Variants in ADD3 observed in about 807,000 individuals in gnomAD.
ADD3 encodes the protein adducin 3.
A neutral mutation model predicts 80.2 loss-of-function variants in ADD3; 25 were observed. The observed-to-expected ratio is 0.31, with a 90% CI of 0.23 to 0.44. ADD3 has a LOEUF of 0.44. ADD3 is among the 20% of genes least tolerant of loss of function. The pLI is 1.00. For missense variants in ADD3, 829 were observed against 847.5 expected (o/e 0.98, Z 0.27); for synonymous variants, 284 against 289.6 (o/e 0.98, Z 0.20).
chr10:110,065,046 A>G (rs1053848790), intron 1 of ADD3, among the ~76,000 whole-genome samples: 2 of 152,080 alleles, frequency 1.3e-5, no homozygotes, highest in African/African-American at 4.8e-5. Flanking sequence ...CCTGTTTCAG[A>G]AAAGAAAAAA....
Position 110,100,778 on chromosome 10 carries a change from C to G in ADD3, c.125C>G (p.Ser42Cys), listed in dbSNP as rs1848726530. 6.2e-7 allele frequency: 1 copy of G among 1,613,734 alleles called. No individual in the cohort carries two copies. The highest frequency in any genetic ancestry group is 2.2e-5 in the East Asian group (1 of 44,812). The change falls in exon 2 of 15, where the codon TCT becomes TGT. Residue 42 changes from serine (S) to cysteine (C), a missense_variant. By Grantham distance (112) the Ser-to-Cys change is moderately radical (BLOSUM62 -1). Coordinates refer to ENST00000356080, the MANE Select transcript of ADD3 (RefSeq NM_016824.5). ...DPEYIRERNM[S>C]PDLRQDFNMM... The stretch of plus-strand genomic sequence containing the variant: ...GAATACATTAGGGAGAGGAACATGT[C>G]TCCTGATCTACGACAAGACTTCAAC...
chr10:110,131,996 G>A (rs1321360616), intron 13 of ADD3, among the ~76,000 whole-genome samples: 2 of 152,194 alleles, frequency 1.3e-5, no homozygotes, highest in African/African-American at 2.4e-5. Flanking sequence ...TGTCTGCGCA[G>A]TATGTTTTGG....
rs765143092 is a variant in ADD3 at position 110,122,204 on chromosome 10, G to A, written c.1055G>A (p.Gly352Asp). 6.8e-6 allele frequency: 11 copies of A among 1,614,170 alleles called. No homozygotes were observed. Among genetic ancestry groups the A allele is most frequent in the South Asian group, 1.1e-5 (1 of 91,088 alleles). ...TTCACTTACACTGTAGCAGCGTCTGGTGGAGGAGGTGTGAATATGGGTTCC... is the reference window on the plus strand; with the variant it reads ...TTCACTTACACTGTAGCAGCGTCTGATGGAGGAGGTGTGAATATGGGTTCC... ...KAFTYTVAAS[G>D]GGGVNMGSHQ... The change falls in exon 9 of 15, where the codon GGT (glycine) becomes GAT (aspartate). Residue 352 changes from glycine (G) to aspartate (D), a missense_variant. By Grantham distance (94) the Gly-to-Asp change is moderately conservative. Transcript: ENST00000356080.
At chr10:110,115,735 C>G (rs1850650470) in intron 3 of ADD3, among the ~76,000 whole-genome samples, 1 of 152,110 alleles carries the variant, frequency 6.6e-6, no homozygotes, top group Non-Finnish European at 1.5e-5. Context: ...GAAGACTGAG[C>G]AAAAGTTGAA....
At chr10:110,106,190 A>G (rs941180223) in intron 2 of ADD3, 2 of 150,782 alleles carry the variant, frequency 1.3e-5, no homozygotes, top group African/African-American at 4.9e-5. Flanking sequence ...AGTAATTTTG[A>G]GGTAAAACAT....
At chr10:110,007,166 T>C (rs963355125), upstream of ADD3, among the ~76,000 whole-genome samples, 1 of 152,240 alleles carries the variant, frequency 6.6e-6, no homozygotes, top group Non-Finnish European at 1.5e-5. Flanking sequence ...TGAAGGTTCT[T>C]GGCGATGCCT....
At chr10:110,063,249 T>C (rs1266290383) in intron 1 of ADD3, among the ~76,000 whole-genome samples, 1 of 152,234 alleles carries the variant, frequency 6.6e-6, no homozygotes, top group African/African-American at 2.4e-5. Flanking sequence ...GTAACACTGC[T>C]GTTGGCCACA....
Position 110,107,294 on chromosome 10 carries a change from C to T in ADD3, c.196-5483C>T, listed in dbSNP as rs11194985. Reference sequence around the variant, plus strand: ...CCTCCTAACTTGGATGATTAGGTGACTTCAAGGAGAAGGTAGCATTTGTAA... The same window carrying T: ...CCTCCTAACTTGGATGATTAGGTGATTTCAAGGAGAAGGTAGCATTTGTAA... On this transcript the variant is annotated intron_variant, in intron 2 of 14. Coordinates refer to ENST00000356080, the MANE Select transcript of ADD3 (RefSeq NM_016824.5). 7.4e-3 allele frequency among the ~76,000 whole-genome samples: 1,127 copies of T among 152,094 alleles called. 50 individuals are homozygous for T. The highest frequency in any genetic ancestry group is 0.061 in the Admixed American group (924 of 15,268).
chr10:110,003,302 G>GGGGGGTGTGTGT (rs140966434), upstream of ADD3, among the ~76,000 whole-genome samples: 1 of 146,942 alleles, frequency 6.8e-6, no homozygotes, highest in African/African-American at 2.6e-5. Context: ...GAACAGTAAG[G>GGGGGGTGTGTGT]GTGTGTGTGT....
At chr10:110,004,116 T>C (rs550609645), upstream of ADD3, among the ~76,000 whole-genome samples, 5 of 152,162 alleles carry the variant, frequency 3.3e-5, no homozygotes, top group Admixed American at 2.0e-4. Context: ...TTTTATTCAT[T>C]GTTCAATACT....
chr10:110,035,383 C>T (rs1855520816), intron 1 of ADD3, among the ~76,000 whole-genome samples: 1 of 152,150 alleles, frequency 6.6e-6, no homozygotes. Flanking sequence ...GGAATAAACT[C>T]ACTAGAACAG....
chr10:110,074,975 G>A (rs1009647049), intron 1 of ADD3, among the ~76,000 whole-genome samples: 1 of 152,180 alleles, frequency 6.6e-6, no homozygotes, highest in East Asian at 1.9e-4. Context: ...TGAAACAGGC[G>A]TGTATGTGAG....
chr10:110,059,625 C>T (rs184254024), intron 1 of ADD3, among the ~76,000 whole-genome samples: 43 of 148,428 alleles, frequency 2.9e-4, no homozygotes, highest in Admixed American at 2.5e-3. Flanking sequence ...AAAAATTAGC[C>T]GGGCGTGGTG....
Position 110,131,782 on chromosome 10 carries a change from AG to A in ADD3, c.1733-521del, listed in dbSNP as rs1853043096. Among the ~76,000 whole-genome samples, 4 of 152,362 alleles carry A rather than the reference AG, an allele frequency of 2.6e-5. No individual in the cohort carries two copies. The South Asian group carries it at 8.3e-4, about 32-fold the overall frequency. ...TGTTTTTTGAAAGCCTAAAGATGCC[AG>A]GTAACAAATGTTGCACTCTAGAACC... is the stretch of plus-strand genomic sequence containing the variant. On this transcript the variant is annotated intron_variant, in intron 13 of 14. Coordinates refer to ENST00000356080, the MANE Select transcript of ADD3 (RefSeq NM_016824.5).
intron 1 of ADD3, among the ~76,000 whole-genome samples, chr10:110,070,768 C>T (rs1227871432): frequency 1.3e-5 from 2 of 151,876 alleles, no homozygotes; most frequent in Non-Finnish European, 2.9e-5. Context: ...TGCAGATAAC[C>T]AAACTTGTCT....
At chr10:110,058,939 T>C (rs1858542171) in intron 1 of ADD3, among the ~76,000 whole-genome samples, 2 of 152,208 alleles carry the variant, frequency 1.3e-5, no homozygotes, top group African/African-American at 4.8e-5. Context: ...GTCTTCCTTC[T>C]TTCCTTGACT....
At chr10:110,102,575 C>A (rs1201021030) in intron 2 of ADD3, among the ~76,000 whole-genome samples, 3 of 152,142 alleles carry the variant, frequency 2.0e-5, no homozygotes, top group Admixed American at 6.5e-5. Context: ...CTACGGCACT[C>A]CAGCCTGGGT....
At chr10:110,048,019 C>A (rs1360683463) in intron 1 of ADD3, among the ~76,000 whole-genome samples, 1 of 152,106 alleles carries the variant, frequency 6.6e-6, no homozygotes, top group Admixed American at 6.5e-5. Flanking sequence ...AATTGTGGCT[C>A]CCATAATTCC....
At chr10:110,096,385 T>C (rs763543586) in intron 1 of ADD3, among the ~76,000 whole-genome samples, 2 of 152,224 alleles carry the variant, frequency 1.3e-5, no homozygotes, top group African/African-American at 2.4e-5. Flanking sequence ...GCCCCAGAGC[T>C]AATGCCAGGT....
Sources: gnomAD v4.1 joint callset for allele counts (sites outside exome capture counted in the v4.1 genomes callset) on GRCh38, gnomAD v4.1.1 for gene constraint, MANE v1.5 for transcripts, NCBI Gene and HGNC (gene_info 2026-07-23, HGNC 2026-07-21) for gene names.